The following BORCS5 variants were observed in gnomAD, a reference collection of about 807,000 sequenced individuals.
BORCS5 encodes the protein BLOC-1-related complex subunit 5.
BORCS5 carries 17 observed loss-of-function variants against 22.1 expected under a neutral mutation model. The ratio of observed to expected loss-of-function variants is 0.77; its 90% CI spans 0.53 to 1.15. The LOEUF is 1.15. BORCS5 is among the 50% of genes most tolerant of loss of function. The probability of loss-of-function intolerance (pLI) is 0.00; values close to 1 mark genes in which losing one functional copy is unlikely to be tolerated. For missense variants in BORCS5, 247 were observed against 253.2 expected (o/e 0.98, Z 0.17); for synonymous variants, 117 against 99.8 (o/e 1.17, Z -1.03).
intron 2 of BORCS5, among the ~76,000 whole-genome samples, chr12:12,365,273 G>C (rs915958318): frequency 1.3e-5 from 2 of 152,020 alleles, no homozygotes; most frequent in Non-Finnish European, 2.9e-5. Flanking sequence ...GGGCTCAAGC[G>C]ATCCACCCAT....
intron 2 of BORCS5, among the ~76,000 whole-genome samples, chr12:12,413,292 A>G (rs372929459): frequency 0.053 from 6,581 of 124,522 alleles, 271 homozygotes; most frequent in East Asian, 0.16. Flanking sequence ...CTTAAGGAGC[A>G]TGCTGCCTTC....
chr12:12,384,553 G>T (rs1159109894), intron 2 of BORCS5, among the ~76,000 whole-genome samples: 1 of 150,208 alleles, frequency 6.7e-6, no homozygotes, highest in East Asian at 1.9e-4. Flanking sequence ...AGATAATATA[G>T]CAGCTGTGGA....
intron 2 of BORCS5, among the ~76,000 whole-genome samples, chr12:12,428,785 A>G (rs746719441): frequency 1.2e-4 from 19 of 152,218 alleles, no homozygotes; most frequent in Non-Finnish European, 2.2e-4. Context: ...TGAAGTAGAT[A>G]TGACAAAATA....
At chr12:12,462,508 C>G (rs1452473186) in intron 3 of BORCS5, among the ~76,000 whole-genome samples, 3 of 152,114 alleles carry the variant, frequency 2.0e-5, no homozygotes, top group African/African-American at 7.2e-5. Flanking sequence ...CCTGAACTTG[C>G]AATCTTAACC....
chr12:12,463,175 G>C (rs1300385421), intron 3 of BORCS5, among the ~76,000 whole-genome samples: 1 of 152,214 alleles, frequency 6.6e-6, no homozygotes, highest in African/African-American at 2.4e-5. Flanking sequence ...CATCAAATGT[G>C]TTACAATGAG....
intron 2 of BORCS5, among the ~76,000 whole-genome samples, chr12:12,389,478 G>C (rs1863954857): frequency 7.0e-6 from 1 of 143,222 alleles, no homozygotes; most frequent in Non-Finnish European, 1.6e-5. Context: ...ATTCTAATTA[G>C]TTTTATATAC....
In BORCS5 at chr12:12,388,443, A is replaced by T. The variant is rs975660784; in HGVS notation, c.202+27094A>T. On this transcript the variant is annotated intron_variant, in intron 2 of 3. Transcript: ENST00000314565. ...AACAAAAAGGAACTGCTGGCCGAGG[A>T]TAGTTAATATTCAAAAGCAAAAGAA... Among the ~76,000 whole-genome samples, 11 of 151,404 alleles carry T rather than the reference A, an allele frequency of 7.3e-5. 1 individual carries two copies. Among genetic ancestry groups the T allele is most frequent in the Admixed American group, 2.6e-4 (4 of 15,188 alleles).
intron 2 of BORCS5, among the ~76,000 whole-genome samples, chr12:12,377,283 A>G (rs963567579): frequency 6.6e-5 from 10 of 151,638 alleles, no homozygotes; most frequent in African/African-American, 2.2e-4. Context: ...GGCTCAAGCA[A>G]TTCTTCTGCC....
At chr12:12,419,237 C>A (rs1005966185) in intron 2 of BORCS5, among the ~76,000 whole-genome samples, 8 of 152,098 alleles carry the variant, frequency 5.3e-5, no homozygotes, top group Non-Finnish European at 4.4e-5. Context: ...ATGTTCCCCG[C>A]CCTGTGTCCA....
At chr12:12,377,505 C>T (rs147058575) in intron 2 of BORCS5, among the ~76,000 whole-genome samples, 2 of 152,002 alleles carry the variant, frequency 1.3e-5, no homozygotes, top group Non-Finnish European at 2.9e-5. Flanking sequence ...TCTTAGACAT[C>T]GTGGATTTCT....
intron 2 of BORCS5, among the ~76,000 whole-genome samples, chr12:12,376,005 A>C (rs541083469): frequency 1.3e-5 from 2 of 152,164 alleles, no homozygotes; most frequent in Non-Finnish European, 2.9e-5. Flanking sequence ...GGGTTTCGCC[A>C]TGTTGGCCAG....
chr12:12,415,225 C>T (rs926875544), intron 2 of BORCS5, among the ~76,000 whole-genome samples: 10 of 151,188 alleles, frequency 6.6e-5, no homozygotes, highest in East Asian at 2.0e-4. Context: ...TGTAGCGAGC[C>T]GAGATCACGC....
chr12:12,435,574 C>T, intron 2 of BORCS5, 54 bp from the exon 3 acceptor site: 2 of 1,474,314 alleles, frequency 1.4e-6, no homozygotes, highest in Non-Finnish European at 1.9e-6. Context: ...CTACTTTATT[C>T]ACAAGTTTAT....
At chr12:12,433,322 C>CAAAAAAAAAAA (rs34833037) in intron 2 of BORCS5, among the ~76,000 whole-genome samples, 4 of 40,670 alleles carry the variant, frequency 9.8e-5, no homozygotes, top group African/African-American at 2.9e-4. Context: ...GACTGTGTCT[C>CAAAAAAAAAAA]AAAAAAAAAA....
intron 2 of BORCS5, among the ~76,000 whole-genome samples, chr12:12,386,433 G>C (rs1262430061): frequency 6.7e-6 from 1 of 148,518 alleles, no homozygotes; most frequent in East Asian, 1.9e-4. Flanking sequence ...AGTGTGGTGG[G>C]GTTAAAGTCC....
At chr12:12,415,528 A>G (rs1270582421) in intron 2 of BORCS5, among the ~76,000 whole-genome samples, 1 of 77,632 alleles carries the variant, frequency 1.3e-5, no homozygotes, top group Non-Finnish European at 2.4e-5. Context: ...TCGGCATCAG[A>G]GGGAGACCGT....
chr12:12,391,915 T>A (rs73279401), intron 2 of BORCS5, among the ~76,000 whole-genome samples: 2 of 30,640 alleles, frequency 6.5e-5, no homozygotes, highest in Non-Finnish European at 1.0e-4. Context: ...GCATGGGGGT[T>A]TGCTCCTGTA....
chr12:12,425,565 T>A (rs1355599593), intron 2 of BORCS5, among the ~76,000 whole-genome samples: 1 of 152,224 alleles, frequency 6.6e-6, no homozygotes, highest in East Asian at 1.9e-4. Flanking sequence ...GGTATCTCAT[T>A]GTGTTTTGTA....
intron 2 of BORCS5, among the ~76,000 whole-genome samples, chr12:12,402,023 G>A (rs141364704): frequency 0.067 from 9,859 of 146,356 alleles, 502 homozygotes; most frequent in East Asian, 0.24. Context: ...CCAAGATGGC[G>A]CCACTGCACT....
Sources: gnomAD v4.1 joint callset for allele counts (sites outside exome capture counted in the v4.1 genomes callset) on GRCh38, gnomAD v4.1.1 for gene constraint, MANE v1.5 for transcripts, NCBI Gene and HGNC (gene_info 2026-07-23, HGNC 2026-07-21) for gene names.